The following BCAS3 variants were observed in gnomAD, a reference collection of about 807,000 sequenced individuals.
The protein encoded by BCAS3 is BCAS3 microtubule associated cell migration factor.
BCAS3 carries 53 observed loss-of-function variants against 116.1 expected under a neutral mutation model. That is an observed-to-expected ratio of 0.46 (90% CI 0.37 to 0.57). BCAS3 has a LOEUF of 0.57. Among genes scored for constraint, BCAS3 ranks in the 20% least tolerant of loss-of-function variants. The probability of loss-of-function intolerance (pLI) is 0.00; values close to 1 mark genes in which losing one functional copy is unlikely to be tolerated. For synonymous variants in BCAS3, 391 were observed against 408.2 expected, an observed-to-expected ratio of 0.96 and a Z score of 0.51; for missense variants, 917 against 1,165.4, an observed-to-expected ratio of 0.79 and a Z score of 3.10.
intron 7 of BCAS3, among the ~76,000 whole-genome samples, chr17:60,854,780 T>C (rs1245036438): frequency 6.6e-6 from 1 of 152,132 alleles, no homozygotes; most frequent in Non-Finnish European, 1.5e-5. Context: ...TGTGATTAAG[T>C]TGAAAATTTA....
intron 7 of BCAS3, among the ~76,000 whole-genome samples, chr17:60,808,366 T>A (rs1056414149): frequency 2.0e-5 from 3 of 152,204 alleles, no homozygotes; most frequent in Non-Finnish European, 2.9e-5. Flanking sequence ...TTCCCTCAAA[T>A]TGAACTTCTG....
In BCAS3 at chr17:61,140,850, A is replaced by G. The variant is rs2076880064; in HGVS notation, c.2425+56286A>G. On this transcript the variant is annotated intron_variant, in intron 22 of 23. Coordinates refer to ENST00000407086, the MANE Select transcript of BCAS3 (RefSeq NM_017679.5). The surrounding 1 kb of genome is among the most constrained non-coding windows in gnomAD (Gnocchi z 4.2). ...TAATGTAGTGGATTGATGGTACATG[A>G]TTTAAGGGAAATCTTGTACTAATCT... is the stretch of plus-strand genomic sequence containing the variant. Among the ~76,000 whole-genome samples, 1 of 152,134 alleles carries G rather than the reference A, an allele frequency of 6.6e-6. No homozygotes were observed. Among genetic ancestry groups the G allele is most frequent in the African/African-American group, 2.4e-5 (1 of 41,422 alleles).
intron 9 of BCAS3, among the ~76,000 whole-genome samples, chr17:60,879,643 C>G (rs925618009): frequency 2.0e-5 from 3 of 152,214 alleles, no homozygotes; most frequent in African/African-American, 7.2e-5. Flanking sequence ...GATATGAAGT[C>G]TCCAGAGAGA....
rs773878485 is a variant in BCAS3, at chr17:61,141,064, C to T, written c.2425+56500C>T. 1.3e-5 allele frequency among the ~76,000 whole-genome samples: 2 copies of T among 151,962 alleles called. No homozygotes were observed. Among genetic ancestry groups the T allele is most frequent in the African/African-American group, 4.8e-5 (2 of 41,380 alleles). On this transcript the variant is annotated intron_variant, in intron 22 of 23. Transcript: ENST00000407086. The surrounding 1 kb of genome is among the most constrained non-coding windows in gnomAD (Gnocchi z 4.3). ...TCTTTATCCTGATTCACCTGTACAG[C>T]GGGACTAGGCTGGTTCATTTCAACA...
chr17:60,767,535 TG>T (rs1000543247), intron 6 of BCAS3, among the ~76,000 whole-genome samples: 8 of 151,728 alleles, frequency 5.3e-5, no homozygotes, highest in Non-Finnish European at 1.2e-4. Flanking sequence ...TTATTAGAAA[TG>T]GGGTTTCACC....
intron 18 of BCAS3, among the ~76,000 whole-genome samples, chr17:61,038,764 G>A (rs2067268128): frequency 6.7e-6 from 1 of 148,998 alleles, no homozygotes; most frequent in Non-Finnish European, 1.5e-5. Flanking sequence ...CACCTCCCGT[G>A]TTCAAGCGGT....
rs202004899 is a variant in BCAS3, at chr17:60,693,885, AT to A, written c.214+4142del. On this transcript the variant is annotated intron_variant, in intron 4 of 23. Transcript: ENST00000407086. ...ACCATTTTAACCATTAAAAATTTTA[AT>A]TTTTTTTTTTTTTTTTTGAGATGGA... Among the ~76,000 whole-genome samples the A allele has an allele frequency of 2.6e-3, 341 of 131,470 alleles. 2 individuals are homozygous for A. The highest frequency in any genetic ancestry group is 4.0e-3 in the Middle Eastern group (1 of 248). The allele number at this position is 131,470 out of a possible 152,430, so 86.2% of individuals were successfully genotyped here.
At chr17:61,174,128 G>A (rs969704532) in intron 22 of BCAS3, among the ~76,000 whole-genome samples, 1 of 152,140 alleles carries the variant, frequency 6.6e-6, no homozygotes, top group African/African-American at 2.4e-5. Flanking sequence ...TATTTGTGAT[G>A]TACAACATGA....
chr17:60,781,662 T>G (rs539947733), intron 6 of BCAS3, among the ~76,000 whole-genome samples: 1 of 139,976 alleles, frequency 7.1e-6, no homozygotes, highest in African/African-American at 3.3e-5. Flanking sequence ...ATCACATTTC[T>G]TCTTATTGTT....
At chr17:60,904,200 T>C (rs2058068720) in intron 11 of BCAS3, among the ~76,000 whole-genome samples, 1 of 150,234 alleles carries the variant, frequency 6.7e-6, no homozygotes, top group Non-Finnish European at 1.5e-5. Context: ...GGTCAGGAGT[T>C]CAAGATCAGC....
chr17:60,808,416 A>G (rs1456982095), intron 7 of BCAS3, among the ~76,000 whole-genome samples: 4 of 152,230 alleles, frequency 2.6e-5, no homozygotes. Context: ...TTTTGTTAGT[A>G]AGGAAAATTA....
At position 60,783,496 on chromosome 17, in the gene BCAS3, C is replaced by T. The variant is rs543166483; in HGVS notation, c.404-24508C>T. Reference sequence around the variant, plus strand: ...CTGGGATTATAGGCACGAGCCACTGCGCCTGACAATCAACAAATACTGATA... The same window carrying T: ...CTGGGATTATAGGCACGAGCCACTGTGCCTGACAATCAACAAATACTGATA... On this transcript the variant is annotated intron_variant, in intron 6 of 23. Coordinates refer to ENST00000407086, the MANE Select transcript of BCAS3 (RefSeq NM_017679.5). 3.3e-3 allele frequency among the ~76,000 whole-genome samples: 509 copies of T among 152,296 alleles called. 2 individuals are homozygous for T. The highest frequency in any genetic ancestry group is 5.3e-3 in the Non-Finnish European group (359 of 68,026).
At chr17:61,297,829 G>T (rs960680658) in intron 22 of BCAS3, among the ~76,000 whole-genome samples, 1 of 152,196 alleles carries the variant, frequency 6.6e-6, no homozygotes, top group African/African-American at 2.4e-5. Flanking sequence ...TCCACTGTTG[G>T]TAGCACATTC....
chr17:60,889,600 C>A, intron 9 of BCAS3, 95 bp from the exon 10 acceptor site: 1 of 974,204 alleles, frequency 1.0e-6, no homozygotes, highest in Non-Finnish European at 1.6e-6. Flanking sequence ...AAAATATAAG[C>A]ATTTGATTTT....
At chr17:61,057,649 TG>T (rs2069523530) in intron 19 of BCAS3, among the ~76,000 whole-genome samples, 1 of 151,680 alleles carries the variant, frequency 6.6e-6, no homozygotes, top group South Asian at 2.1e-4. Flanking sequence ...CTAGGACACC[TG>T]AAGTCAAGGT....
chr17:60,878,068 G>A (rs1036328570), intron 9 of BCAS3, among the ~76,000 whole-genome samples: 11 of 148,054 alleles, frequency 7.4e-5, no homozygotes, highest in African/African-American at 2.7e-4. Flanking sequence ...GGAGTGCAGT[G>A]GCATGTTCTT....
chr17:61,054,023 A>G (rs998139210), intron 19 of BCAS3, among the ~76,000 whole-genome samples: 20 of 152,354 alleles, frequency 1.3e-4, no homozygotes, highest in Middle Eastern at 3.4e-3. Flanking sequence ...TGTTCACTGA[A>G]AAGATGTCAG....
rs1397847274 is a variant in BCAS3, at chr17:61,020,574, A to G, written c.1637+4673A>G. On this transcript the variant is annotated intron_variant, in intron 16 of 23. Transcript: ENST00000407086. This position sits in a 1 kb window ranked among gnomAD's most constrained non-coding sequence, Gnocchi z 4.5. ...AAGTCCAGGTTATCATGTTCTTATCATATGTAAGTAAGAATAGTTCTCCTA... is the reference window on the plus strand; with the variant it reads ...AAGTCCAGGTTATCATGTTCTTATCGTATGTAAGTAAGAATAGTTCTCCTA... Among the ~76,000 whole-genome samples, 1 of 152,206 alleles carries G rather than the reference A, an allele frequency of 6.6e-6. No individual in the cohort carries two copies. Among genetic ancestry groups the G allele is most frequent in the Non-Finnish European group, 1.5e-5 (1 of 68,038 alleles).
chr17:60,755,289 A>G lies in BCAS3; in HGVS notation c.403+8010A>G, dbSNP rs186695398. The stretch of plus-strand genomic sequence containing the variant: ...AAAAGAGAGGTGAATTAAGTGAACT[A>G]TATAATGCTTGATACTCTTCAGATA... On this transcript the variant is annotated intron_variant, in intron 6 of 23. Transcript: ENST00000407086. 2.0e-4 allele frequency among the ~76,000 whole-genome samples: 30 copies of G among 152,340 alleles called. 1 individual carries two copies. The highest frequency in any genetic ancestry group is 5.2e-4 in the Admixed American group (8 of 15,300).
Sources: gnomAD v4.1 joint callset for allele counts (sites outside exome capture counted in the v4.1 genomes callset) on GRCh38, gnomAD v4.1.1 for gene constraint, Gnocchi (gnomAD v3.1) non-coding constraint, MANE v1.5 for transcripts, NCBI Gene and HGNC (gene_info 2026-07-23, HGNC 2026-07-21) for gene names.